The following SLC44A4 variants were observed in gnomAD, a reference collection of about 807,000 sequenced individuals.
The protein encoded by SLC44A4 is solute carrier family 44 member 4.
SLC44A4 carries 74 observed loss-of-function variants against 97.0 expected under a neutral mutation model. The observed-to-expected ratio is 0.76, with a 90% confidence interval of 0.63 to 0.93. SLC44A4 has a LOEUF of 0.93. SLC44A4 is among the 40% of genes least tolerant of loss of function. The pLI is 0.00. For missense variants in SLC44A4, 799 were observed against 902.9 expected, an observed-to-expected ratio of 0.88 and a Z score of 1.48; for synonymous variants, 325 against 363.8, an observed-to-expected ratio of 0.89 and a Z score of 1.21.
At position 31,871,483 on chromosome 6, in the gene SLC44A4, T is replaced by C; in HGVS notation, c.608A>G (p.Gln203Arg). 1 of 1,613,950 alleles carries C rather than the reference T, an allele frequency of 6.2e-7. No homozygotes were observed. Among genetic ancestry groups the C allele is most frequent in the Admixed American group, 1.7e-5 (1 of 59,998 alleles). Reference sequence around the variant, plus strand: ...GGAGGGAGGTGCCTACCTGATCCCCTGCTGTATGGTGGTGTCATTGGTGAT... The same window carrying C: ...GGAGGGAGGTGCCTACCTGATCCCCCGCTGTATGGTGGTGTCATTGGTGAT... ...PGITNDTTIQ[Q>R]GISGLIDSLN... Residue 203 changes from glutamine to arginine, a missense_variant, in exon 8 of 21, where the codon CAG becomes CGG. Gln to Arg is a conservative substitution (Grantham distance 43). Coordinates refer to ENST00000229729, the MANE Select transcript of SLC44A4 (RefSeq NM_025257.3).
At chr6:31,867,389 G>C (rs1000726922) in intron 13 of SLC44A4, among the ~76,000 whole-genome samples, 14 of 151,708 alleles carry the variant, frequency 9.2e-5, no homozygotes, top group African/African-American at 3.4e-4. Context: ...CACTGCGCGC[G>C]GCCTTCTGTC....
chr6:31,865,231 G>A lies in SLC44A4; in HGVS notation c.1760+84C>T, dbSNP rs910339854. 9 of 1,560,122 alleles carry A rather than the reference G, an allele frequency of 5.8e-6. No homozygotes were observed. Among genetic ancestry groups the A allele is most frequent in the African/African-American group, 4.1e-5 (3 of 73,748 alleles). ...GAGCACTAAACTAAGTCTAGGGCCC[G>A]ACTGAGCACAGCACACCCACGAAGC... is the stretch of plus-strand genomic sequence containing the variant. On this transcript the variant is annotated intron_variant, in intron 17 of 20. Transcript: ENST00000229729. This position sits in a 1 kb window ranked among gnomAD's most constrained non-coding sequence, Gnocchi z 5.2.
chr6:31,863,225 C>CT lies in SLC44A4; in HGVS notation c.*401dup, dbSNP rs1378751679. 1 of 234,508 alleles carries CT rather than the reference C, an allele frequency of 4.3e-6. No individual in the cohort carries two copies. The highest frequency in any genetic ancestry group is 8.2e-6 in the Non-Finnish European group (1 of 121,544). The allele number at this position is 234,508 out of a possible 1,614,324, so 14.5% of individuals were successfully genotyped here. On this transcript the variant is annotated 3_prime_UTR_variant, in exon 21 of 21. Coordinates refer to ENST00000229729, the MANE Select transcript of SLC44A4 (RefSeq NM_025257.3). ...GTTAACAAAATATCTTTAATAAAATCTTTTTGTTTGTTTGTTTTGTTTTGG... is the reference window on the plus strand; with the variant it reads ...GTTAACAAAATATCTTTAATAAAATCTTTTTTGTTTGTTTGTTTTGTTTTGG...
chr6:31,869,630 C>T lies in SLC44A4; in HGVS notation c.1045G>A (p.Gly349Arg), dbSNP rs1197923334. 1 of 1,600,026 alleles carries T rather than the reference C, an allele frequency of 6.2e-7. No homozygotes were observed. Among genetic ancestry groups the T allele is most frequent in the Non-Finnish European group, 8.5e-7 (1 of 1,173,702 alleles). The change falls in exon 12 of 21, where the codon GGA becomes AGA. Residue 349 changes from glycine to arginine, a missense_variant. Coordinates refer to ENST00000229729, the MANE Select transcript of SLC44A4 (RefSeq NM_025257.3). ...ALLKEASKAV[G>R]QMMSTMFYPL... ...TAGAACATGGTAGACATCATCTGTC[C>T]CACAGCCCTGCAGGGAGACAAAGCT...
chr6:31,865,085 G>C lies in SLC44A4; in HGVS notation c.1761-5C>G, dbSNP rs200597664. 4.3e-4 allele frequency: 695 copies of C among 1,613,240 alleles called. No individual in the cohort carries two copies. The highest frequency in any genetic ancestry group is 5.6e-4 in the Non-Finnish European group (655 of 1,180,026). On this transcript the variant is annotated splice_region_variant and splice_polypyrimidine_tract_variant and intron_variant, in intron 17 of 20. Transcript: ENST00000229729. The surrounding 1 kb of genome is among the most constrained non-coding windows in gnomAD (Gnocchi z 5.2). ...ACTTTGTCCAGGACGACCACCCTGT[G>C]CCAGAAGTTAGGGCAGGTTGAGGGT...
In SLC44A4 at chr6:31,874,371, A is replaced by G; in HGVS notation, c.529+89T>C. ...AATTTTGCCACCAACAAGCTATGTG[A>G]CTTCACTCTCTCTGGGCCTGATTTC... On this transcript the variant is annotated intron_variant, in intron 7 of 20. Transcript: ENST00000229729. This position sits in a 1 kb window ranked among gnomAD's most constrained non-coding sequence, Gnocchi z 4.8. The G allele has an allele frequency of 1.2e-4, 157 of 1,321,454 alleles. No homozygotes were observed. Among genetic ancestry groups the G allele is most frequent in the Non-Finnish European group, 1.5e-4 (140 of 922,750 alleles). 81.9% of individuals were successfully genotyped at this position (1,321,454 alleles called of 1,614,324 possible). A position where few individuals can be genotyped will look rare whatever the true frequency, so the allele number is the denominator to read the frequency against.
intron 9 of SLC44A4, 21 bp downstream of exon 9, chr6:31,871,293 G>A (rs1432843704): frequency 5.0e-6 from 8 of 1,604,110 alleles, no homozygotes; most frequent in Non-Finnish European, 5.1e-6. Context: ...GACACAAGAG[G>A]AGGGGAATCT....
intron 7 of SLC44A4, among the ~76,000 whole-genome samples, chr6:31,871,848 A>G: frequency 6.6e-6 from 1 of 152,042 alleles, no homozygotes; most frequent in Non-Finnish European, 1.5e-5. Flanking sequence ...GTGGAGTGCC[A>G]GGGAGACCGT....
rs1762659217 is a variant in SLC44A4, at chr6:31,863,453, C to G, written c.*174G>C. On this transcript the variant is annotated 3_prime_UTR_variant, in exon 21 of 21. Coordinates refer to ENST00000229729, the MANE Select transcript of SLC44A4 (RefSeq NM_025257.3). ...TGTTGGCCAGGCTGGTCTCGAACTCCTGACTCAGGTGATCCGCCCGCCTCA... is the reference window on the plus strand; with the variant it reads ...TGTTGGCCAGGCTGGTCTCGAACTCGTGACTCAGGTGATCCGCCCGCCTCA... The G allele has an allele frequency of 3.4e-6, 3 of 891,650 alleles. No homozygotes were observed. The highest frequency in any genetic ancestry group is 4.8e-6 in the Non-Finnish European group (3 of 623,738). 55.2% of individuals were successfully genotyped at this position (891,650 alleles called of 1,614,324 possible).
Position 31,874,617 on chromosome 6 carries a change from C to G in SLC44A4, c.469-97G>C. 1 of 1,563,740 alleles carries G rather than the reference C, an allele frequency of 6.4e-7. No individual in the cohort carries two copies. Among genetic ancestry groups the G allele is most frequent in the African/African-American group, 1.4e-5 (1 of 73,760 alleles). On this transcript the variant is annotated intron_variant, in intron 6 of 20. Transcript: ENST00000229729. This position sits in a 1 kb window ranked among gnomAD's most constrained non-coding sequence, Gnocchi z 4.8. The stretch of plus-strand genomic sequence containing the variant: ...CATGGGGCTCAGCCTGTCCCACACT[C>G]CCCAGGAGAGCCAACCTGGTGATGA...
intron 13 of SLC44A4, 80 bp from the exon 14 acceptor site, chr6:31,866,206 C>T (rs548861062): frequency 6.6e-7 from 1 of 1,523,486 alleles, no homozygotes; most frequent in Non-Finnish European, 8.9e-7. Flanking sequence ...TTCCCAGTAG[C>T]TCCTGCCCCT....
rs1762721353 is a variant in SLC44A4 at position 31,864,400 on chromosome 6, A to T, written c.2011+252T>A. ...CTCTAATGGCTAACTTCTACCCGAGATTTCTTAGGGAAGATAGCAGAGACC... is the reference window on the plus strand; with the variant it reads ...CTCTAATGGCTAACTTCTACCCGAGTTTTCTTAGGGAAGATAGCAGAGACC... On this transcript the variant is annotated intron_variant, in intron 20 of 20. Coordinates refer to ENST00000229729, the MANE Select transcript of SLC44A4 (RefSeq NM_025257.3). 3 of 579,406 alleles carry T rather than the reference A, an allele frequency of 5.2e-6. No individual in the cohort carries two copies. In the East Asian group the frequency reaches 8.5e-5, roughly 16 times the overall value. The allele number at this position is 579,406 out of a possible 1,614,324, so 35.9% of individuals were successfully genotyped here.
intron 13 of SLC44A4, among the ~76,000 whole-genome samples, chr6:31,867,904 G>A (rs1393535488): frequency 2.8e-5 from 4 of 145,188 alleles, no homozygotes; most frequent in African/African-American, 7.8e-5. Flanking sequence ...TGCAACCTCC[G>A]CCTCCCGAGT....
intron 20 of SLC44A4, among the ~76,000 whole-genome samples, chr6:31,863,955 A>C (rs1432941228): frequency 6.6e-6 from 1 of 152,250 alleles, no homozygotes; most frequent in African/African-American, 2.4e-5. Context: ...GAAAAAATGC[A>C]TGTCAGTCGC....
At chr6:31,867,021 T>G (rs1762905481) in intron 13 of SLC44A4, among the ~76,000 whole-genome samples, 1 of 152,028 alleles carries the variant, frequency 6.6e-6, no homozygotes, top group Non-Finnish European at 1.5e-5. Context: ...GTTTAAAAAT[T>G]CCCATAATAA....
intron 7 of SLC44A4, among the ~76,000 whole-genome samples, chr6:31,872,959 A>T (rs1763255143): frequency 1.3e-5 from 2 of 152,038 alleles, no homozygotes; most frequent in African/African-American, 4.8e-5. Context: ...CTCACCGTAA[A>T]CTCCGCCTCT....
rs758597990 is a variant in SLC44A4, at chr6:31,869,669, G to A, written c.1038-32C>T. 3.0e-5 allele frequency: 46 copies of A among 1,539,532 alleles called. 1 individual carries two copies. The highest frequency in any genetic ancestry group is 2.7e-5 in the African/African-American group (2 of 73,394). ...GGAGACAAAGCTGTTAACCGGCACC[G>A]CCCCAGCTGTCCATCTTCTCAAGGG... On this transcript the variant is annotated intron_variant, in intron 11 of 20. Coordinates refer to ENST00000229729, the MANE Select transcript of SLC44A4 (RefSeq NM_025257.3).
In SLC44A4 at chr6:31,869,196, C is replaced by A. The variant is rs756335610; in HGVS notation, c.1192G>T (p.Gly398Cys). ...VLWASNISSP[G>C]CEKVPINTSC... ...GTATTTATTGGCACTTTCTCACAGCCGGGGGAGCTGATGTTGGATGCCCAG... is the reference window on the plus strand; with the variant it reads ...GTATTTATTGGCACTTTCTCACAGCAGGGGGAGCTGATGTTGGATGCCCAG... The change falls in exon 13 of 21, where the codon GGC becomes TGC. Residue 398 changes from glycine (G) to cysteine (C), a missense_variant. Gly to Cys is a radical substitution (Grantham distance 159). Around this residue, in one of 3 missense-constraint regions of SLC44A4, gnomAD observed 379 missense variants for 438.3 expected, o/e 0.86. Coordinates refer to ENST00000229729, the MANE Select transcript of SLC44A4 (RefSeq NM_025257.3). 2 of 1,610,890 alleles carry A rather than the reference C, an allele frequency of 1.2e-6. No homozygotes were observed. Among genetic ancestry groups the A allele is most frequent in the Non-Finnish European group, 1.7e-6 (2 of 1,179,148 alleles).
chr6:31,874,820 G>C lies in SLC44A4; in HGVS notation c.369C>G (p.Asp123Glu), dbSNP rs535578910. ...PQVCVSSCPE[D>E]PWTVGKNEFS... ...ACTCGTTTTTTCCCACAGTCCATGG[G>C]TCCTCCGGGCAGGAGGACACACACA... Residue 123 changes from aspartate to glutamate, a missense_variant, in exon 6 of 21, where the codon GAC becomes GAG. By Grantham distance (45) the Asp-to-Glu change is conservative. Around this residue, in one of 3 missense-constraint regions of SLC44A4, gnomAD observed 409 missense variants for 434.1 expected, o/e 0.94. Coordinates refer to ENST00000229729, the MANE Select transcript of SLC44A4 (RefSeq NM_025257.3). The surrounding 1 kb of genome is among the most constrained non-coding windows in gnomAD (Gnocchi z 4.8). 7 of 1,613,562 alleles carry C rather than the reference G, an allele frequency of 4.3e-6. No homozygotes were observed. In the East Asian group the frequency reaches 1.6e-4, roughly 36 times the overall value.
Sources: allele counts gnomAD v4.1 joint callset (sites outside exome capture counted in the v4.1 genomes callset), GRCh38; gene constraint gnomAD v4.1.1; regional missense constraint gnomAD v4.1.1; non-coding constraint Gnocchi (gnomAD v3.1); transcripts MANE v1.5; gene names NCBI Gene and HGNC (gene_info 2026-07-23, HGNC 2026-07-21).